LIN9: variants seen among roughly 807,000 people sequenced by gnomAD.
LIN9 encodes protein lin-9 homolog.
LIN9 carries 18 observed loss-of-function variants against 78.0 expected under a neutral mutation model. The ratio of observed to expected loss-of-function variants is 0.23; its 90% CI spans 0.16 to 0.34. LIN9 has a LOEUF of 0.34. Ranked by LOEUF, LIN9 falls within the 10% of genes least tolerant of loss-of-function variation. The pLI is 1.00. For missense variants in LIN9, 451 were observed against 644.1 expected (o/e 0.70, Z 3.25); for synonymous variants, 192 against 215.2 (o/e 0.89, Z 0.94).
At chr1:226,275,365 T>C (rs1360071702) in intron 7 of LIN9, among the ~76,000 whole-genome samples, 1 of 152,226 alleles carries the variant, frequency 6.6e-6, no homozygotes, top group African/African-American at 2.4e-5. Flanking sequence ...ACCCCTGCAC[T>C]AGCCCAAAGA....
chr1:226,235,432 G>A (rs763917285), intron 12 of LIN9, among the ~76,000 whole-genome samples: 1 of 150,694 alleles, frequency 6.6e-6, no homozygotes, highest in East Asian at 2.0e-4. Flanking sequence ...TCAGACTAAA[G>A]GTATACAGTC....
intron 14 of LIN9, chr1:226,232,879 C>G (rs1576264375): frequency 4.1e-6 from 2 of 492,670 alleles, no homozygotes; most frequent in East Asian, 6.6e-5. Flanking sequence ...CCATGCTGAC[C>G]CCAAACCTAA....
At chr1:226,284,900 T>C (rs1661301821) in intron 6 of LIN9, among the ~76,000 whole-genome samples, 1 of 152,242 alleles carries the variant, frequency 6.6e-6, no homozygotes, top group African/African-American at 2.4e-5. Flanking sequence ...CCTTTGTTTC[T>C]TCCTTTTTAT....
intron 10 of LIN9, among the ~76,000 whole-genome samples, chr1:226,259,351 T>C (rs1240120800): frequency 1.3e-5 from 2 of 152,182 alleles, no homozygotes; most frequent in Non-Finnish European, 2.9e-5. Flanking sequence ...TCCACCATTA[T>C]AGTTGGAGAT....
chr1:226,253,141 T>C (rs1383464342), intron 10 of LIN9, among the ~76,000 whole-genome samples: 2 of 151,404 alleles, frequency 1.3e-5, no homozygotes. Flanking sequence ...CGCCCACCTG[T>C]AGTCCCAGCT....
chr1:226,254,866 G>A (rs552867641), intron 10 of LIN9, among the ~76,000 whole-genome samples: 147 of 147,620 alleles, frequency 1.0e-3, no homozygotes, highest in African/African-American at 3.5e-3. Flanking sequence ...AGCTGAGATC[G>A]TGCCACTACA....
chr1:226,265,502 A>C lies in LIN9; in HGVS notation c.1038+31T>G. 1 of 1,421,616 alleles carries C rather than the reference A, an allele frequency of 7.0e-7. No individual in the cohort carries two copies. The highest frequency in any genetic ancestry group is 9.9e-7 in the Non-Finnish European group (1 of 1,014,320). The allele number at this position is 1,421,616 out of a possible 1,614,324, so 88.1% of individuals were successfully genotyped here. A position where few individuals can be genotyped will look rare whatever the true frequency, so the allele number is the denominator to read the frequency against. On this transcript the variant is annotated intron_variant, in intron 10 of 14. Coordinates refer to ENST00000681046, the MANE Select transcript of LIN9 (RefSeq NM_001366245.2). This position sits in a 1 kb window ranked among gnomAD's most constrained non-coding sequence, Gnocchi z 4.1. ...CATAAAAGGCATTGAGTTTTTAAACAAACAGCCAAGATATTCAGAACAATT... is the reference window on the plus strand; with the variant it reads ...CATAAAAGGCATTGAGTTTTTAAACCAACAGCCAAGATATTCAGAACAATT...
At chr1:226,245,339 T>C (rs1658403024) in intron 11 of LIN9, among the ~76,000 whole-genome samples, 1 of 152,182 alleles carries the variant, frequency 6.6e-6, no homozygotes, top group African/African-American at 2.4e-5. Context: ...TACTAATTTA[T>C]GTGTAAGAAT....
chr1:226,286,219 C>T (rs892021861), intron 6 of LIN9, 114 bp downstream of exon 6: 60 of 1,078,204 alleles, frequency 5.6e-5, no homozygotes, highest in Admixed American at 3.5e-4. Context: ...AGCCCTGAAC[C>T]CCTGGCCTTA....
Position 226,265,322 on chromosome 1 carries a change from G to T in LIN9, c.1038+211C>A, listed in dbSNP as rs554810748. Among the ~76,000 whole-genome samples the T allele has an allele frequency of 6.6e-6, 1 of 152,156 alleles. No homozygotes were observed. Among genetic ancestry groups the T allele is most frequent in the Non-Finnish European group, 1.5e-5 (1 of 68,028 alleles). On this transcript the variant is annotated intron_variant, in intron 10 of 14. Transcript: ENST00000681046. The surrounding 1 kb of genome is among the most constrained non-coding windows in gnomAD (Gnocchi z 4.1). Reference sequence around the variant, plus strand: ...AGCCCTTAAAATAGCAGAATAATAAGAACTCAGACACAAGACAAAGCTCAA... The same window carrying T: ...AGCCCTTAAAATAGCAGAATAATAATAACTCAGACACAAGACAAAGCTCAA...
chr1:226,288,084 GT>G (rs901154599), intron 4 of LIN9, among the ~76,000 whole-genome samples: 1 of 151,538 alleles, frequency 6.6e-6, no homozygotes, highest in Non-Finnish European at 1.5e-5. Context: ...CTACTCTCTT[GT>G]CTCAACCTCC....
chr1:226,269,021 ATTT>A (rs1317513370), intron 7 of LIN9, among the ~76,000 whole-genome samples: 9 of 152,196 alleles, frequency 5.9e-5, no homozygotes, highest in Non-Finnish European at 1.3e-4. Context: ...TGTCACTATT[ATTT>A]AAGTCCAGCC....
intron 1 of LIN9, among the ~76,000 whole-genome samples, chr1:226,306,339 G>A (rs1250410932): frequency 6.6e-6 from 1 of 151,816 alleles, no homozygotes; most frequent in African/African-American, 2.4e-5. Flanking sequence ...AAAAACAAAA[G>A]AAAAGAAAGA....
chr1:226,285,740 T>A (rs1210484866), intron 6 of LIN9, among the ~76,000 whole-genome samples: 1 of 152,120 alleles, frequency 6.6e-6, no homozygotes, highest in Non-Finnish European at 1.5e-5. Context: ...TACTTTTATA[T>A]AAAATAAAAT....
chr1:226,241,686 G>A (rs866784075), intron 11 of LIN9, among the ~76,000 whole-genome samples: 7 of 152,066 alleles, frequency 4.6e-5, no homozygotes, highest in South Asian at 2.1e-4. Flanking sequence ...GTGAAACCCC[G>A]TCTCTACTAA....
intron 10 of LIN9, among the ~76,000 whole-genome samples, chr1:226,264,249 G>A (rs889571458): frequency 1.2e-4 from 18 of 151,232 alleles, no homozygotes; most frequent in African/African-American, 3.4e-4. Flanking sequence ...GTGTGGTGGC[G>A]TGCGCCTGTA....
intron 7 of LIN9, among the ~76,000 whole-genome samples, chr1:226,269,619 C>T (rs536136987): frequency 3.3e-5 from 5 of 152,062 alleles, no homozygotes; most frequent in African/African-American, 9.6e-5. Context: ...GGGTTGGTCA[C>T]GAAAACCAGC....
At chr1:226,256,216 C>T (rs1183078160) in intron 10 of LIN9, among the ~76,000 whole-genome samples, 1 of 151,766 alleles carries the variant, frequency 6.6e-6, no homozygotes, top group East Asian at 1.9e-4. Flanking sequence ...AACCCCATCT[C>T]TACATACTAA....
chr1:226,283,177 A>G (rs967330116), intron 6 of LIN9, among the ~76,000 whole-genome samples: 4 of 150,484 alleles, frequency 2.7e-5, no homozygotes, highest in Non-Finnish European at 5.9e-5. Context: ...CCCAGGCTTG[A>G]GTGCAGTGGC....
Sources: allele counts gnomAD v4.1 joint callset (sites outside exome capture counted in the v4.1 genomes callset), GRCh38; gene constraint gnomAD v4.1.1; non-coding constraint Gnocchi (gnomAD v3.1); transcripts MANE v1.5; gene names NCBI Gene and HGNC (gene_info 2026-07-23, HGNC 2026-07-21).